Variants in ASXL1 observed in about 807,000 individuals in gnomAD.
ASXL1 encodes ASXL transcriptional regulator 1.
ASXL1 carries 65 observed loss-of-function variants against 89.1 expected under a neutral mutation model. That is an observed-to-expected ratio of 0.73 (90% CI 0.60 to 0.90). ASXL1 has a LOEUF of 0.90. Among genes scored for constraint, ASXL1 ranks in the 40% least tolerant of loss-of-function variants. ASXL1 has a pLI of 0.00. For synonymous variants in ASXL1, 739 were observed against 746.9 expected (o/e 0.99, Z 0.17); for missense variants, 1,786 against 1,942.9 (o/e 0.92, Z 1.52).
At chr20:32,431,543 GTTTA>G (rs775239672) in intron 9 of ASXL1, 36 bp from the exon 10 acceptor site, 3 of 1,614,064 alleles carry the variant, frequency 1.9e-6, no homozygotes, top group Admixed American at 3.3e-5. Flanking sequence ...TCTCTTTTAA[GTTTA>G]TTTATTAGGA....
intron 4 of ASXL1, among the ~76,000 whole-genome samples, chr20:32,369,556 G>A (rs1358299197): frequency 6.6e-6 from 1 of 151,148 alleles, no homozygotes; most frequent in Non-Finnish European, 1.5e-5. Flanking sequence ...CTGGCCAGAT[G>A]CTGTTGGTTC....
chr20:32,426,541 CTTTTTTTTCTTTCTTTTTTTTTTT>C (rs1359588399), intron 4 of ASXL1, among the ~76,000 whole-genome samples: 4 of 92,574 alleles, frequency 4.3e-5, no homozygotes, highest in South Asian at 7.9e-4. Context: ...AAACTGTTTT[CTTTTTTTTCTTTCTTTTTTTTTTT>C]TTTTTTTTTT....
chr20:32,396,740 T>G (rs1228466163), intron 4 of ASXL1, among the ~76,000 whole-genome samples: 2 of 152,150 alleles, frequency 1.3e-5, no homozygotes, highest in African/African-American at 4.8e-5. Flanking sequence ...ACTTAAAAAA[T>G]TATTCCCCTA....
intron 4 of ASXL1, among the ~76,000 whole-genome samples, chr20:32,393,042 T>C (rs200835360): frequency 1.5e-5 from 1 of 66,198 alleles, no homozygotes; most frequent in African/African-American, 3.7e-5. Flanking sequence ...CTATCAGTTA[T>C]AGACAGAGGG....
At chr20:32,413,539 T>C (rs547450755) in intron 4 of ASXL1, among the ~76,000 whole-genome samples, 10 of 152,358 alleles carry the variant, frequency 6.6e-5, no homozygotes. Context: ...ATTTCATTCT[T>C]CTTTCTGAAT....
intron 4 of ASXL1, among the ~76,000 whole-genome samples, chr20:32,397,081 G>T (rs1157490411): frequency 1.4e-5 from 2 of 137,982 alleles, no homozygotes; most frequent in Admixed American, 1.5e-4. Flanking sequence ...GTCATGCTCT[G>T]TTGCTCAGGC....
intron 4 of ASXL1, among the ~76,000 whole-genome samples, chr20:32,405,781 G>A (rs1379410614): frequency 6.6e-6 from 1 of 150,980 alleles, no homozygotes; most frequent in Non-Finnish European, 1.5e-5. Flanking sequence ...GTGATGCTAG[G>A]TTCTTAGTGT....
At position 32,428,354 on chromosome 20, in the gene ASXL1, T is replaced by C. The variant is rs1308232911; in HGVS notation, c.403T>C (p.Ser135Pro). The C allele has an allele frequency of 1.2e-6, 2 of 1,614,150 alleles. No homozygotes were observed. Among genetic ancestry groups the C allele is most frequent in the Non-Finnish European group, 1.7e-6 (2 of 1,180,022 alleles). ...TCTTGATGAAACATCTTCGAACGCA[T>C]CCTGTTCTACAGAATCTCAGAGTCG... ...VSLDETSSNA[S>P]CSTESQSRPL... Residue 135 changes from serine (S) to proline (P), a missense_variant, in exon 6 of 13, where the codon TCC becomes CCC. Ser to Pro is a moderately conservative substitution (Grantham distance 74). This residue lies in a region of ASXL1 where 332 missense variants were observed against 449.7 expected (regional missense o/e 0.74). Coordinates refer to ENST00000375687, the MANE Select transcript of ASXL1 (RefSeq NM_015338.6).
chr20:32,395,997 C>G (rs1184879384), intron 4 of ASXL1, among the ~76,000 whole-genome samples: 1 of 152,014 alleles, frequency 6.6e-6, no homozygotes, highest in Admixed American at 6.6e-5. Context: ...CAGAGCTTCA[C>G]CATGTTTGCC....
chr20:32,437,253 T>C lies in ASXL1; in HGVS notation c.4541T>C (p.Ile1514Thr). ...TGTGCGTGCAGCCTGAAAGCCATGA[T>C]CATGTGCCAAGGCTGCGGTGCGTTC... ...LQCACSLKAM[I>T]MCQGCGAFCH... Residue 1514 changes from isoleucine (I) to threonine (T), a missense_variant, in exon 13 of 13, where the codon ATC (isoleucine) becomes ACC (threonine). Around this residue, in one of 3 missense-constraint regions of ASXL1, gnomAD observed 36 missense variants for 65.5 expected, o/e 0.55. Transcript: ENST00000375687. 6.2e-7 allele frequency: 1 copy of C among 1,614,122 alleles called. No homozygotes were observed. Among genetic ancestry groups the C allele is most frequent in the Non-Finnish European group, 8.5e-7 (1 of 1,180,002 alleles).
At chr20:32,372,041 G>T in intron 4 of ASXL1, 2 of 1,214,018 alleles carry the variant, frequency 1.6e-6, no homozygotes. Context: ...TTTTTTCTAT[G>T]AGTACCTTAA....
intron 12 of ASXL1, 127 bp downstream of exon 12, chr20:32,434,044 G>A: frequency 7.4e-7 from 1 of 1,356,958 alleles, no homozygotes; most frequent in South Asian, 1.3e-5. Context: ...TTTATGAGAG[G>A]TTTGCTTGAG....
intron 1 of ASXL1, chr20:32,359,547 A>G (rs2048074511): frequency 1.5e-6 from 1 of 649,558 alleles, no homozygotes; most frequent in Non-Finnish European, 2.8e-6. Flanking sequence ...TGGCTCACGG[A>G]CCCCACTTTG....
chr20:32,399,746 T>A (rs942837577), intron 4 of ASXL1, among the ~76,000 whole-genome samples: 3 of 98,482 alleles, frequency 3.0e-5, no homozygotes, highest in Admixed American at 1.5e-4. Flanking sequence ...CATATTTTAC[T>A]CTTTTTTTTT....
chr20:32,423,459 C>T (rs957432634), intron 4 of ASXL1, among the ~76,000 whole-genome samples: 6 of 151,960 alleles, frequency 3.9e-5, no homozygotes, highest in Admixed American at 1.3e-4. Flanking sequence ...AGGCTGGTCT[C>T]GAACTCCCAG....
At chr20:32,399,035 C>T (rs991957833) in intron 4 of ASXL1, among the ~76,000 whole-genome samples, 2 of 151,880 alleles carry the variant, frequency 1.3e-5, no homozygotes, top group African/African-American at 4.8e-5. Context: ...CACAGTGAAA[C>T]CCCATCTTTA....
intron 1 of ASXL1, among the ~76,000 whole-genome samples, chr20:32,362,773 T>G (rs2048142470): frequency 6.6e-6 from 1 of 152,242 alleles, no homozygotes; most frequent in Admixed American, 6.5e-5. Context: ...AAAATAGTCT[T>G]TCTTTCACAC....
chr20:32,428,983 A>G, intron 6 of ASXL1: 1 of 361,986 alleles, frequency 2.8e-6, no homozygotes, highest in Non-Finnish European at 5.4e-6. Context: ...TTCTTGTAAT[A>G]TACACGTGAA....
chr20:32,401,825 G>A (rs1163332640), intron 4 of ASXL1, among the ~76,000 whole-genome samples: 2 of 152,062 alleles, frequency 1.3e-5, no homozygotes, highest in African/African-American at 2.4e-5. Context: ...CAAAGTGCTG[G>A]GATTACAGGC....
Sources: allele counts gnomAD v4.1 joint callset (sites outside exome capture counted in the v4.1 genomes callset), GRCh38; gene constraint gnomAD v4.1.1; regional missense constraint gnomAD v4.1.1; transcripts MANE v1.5; gene names NCBI Gene and HGNC (gene_info 2026-07-23, HGNC 2026-07-21).